The following ST3GAL5 variants were observed in gnomAD, a reference collection of about 807,000 sequenced individuals.
ST3GAL5 encodes the protein lactosylceramide alpha-2,3-sialyltransferase.
A neutral mutation model predicts 46.1 loss-of-function variants in ST3GAL5; 25 were observed. The ratio of observed to expected loss-of-function variants is 0.54; its 90% CI spans 0.40 to 0.76. The LOEUF is 0.76. Ranked by LOEUF, ST3GAL5 falls within the 30% of genes least tolerant of loss-of-function variation. The pLI is 0.00. For missense variants in ST3GAL5, 431 were observed against 521.2 expected (o/e 0.83, Z 1.69); for synonymous variants, 182 against 192.7 (o/e 0.94, Z 0.46).
Position 85,888,959 on chromosome 2 carries a change from GC to G in ST3GAL5, c.-55del. The G allele has an allele frequency of 3.3e-6, 4 of 1,223,936 alleles. No individual in the cohort carries two copies. The highest frequency in any genetic ancestry group is 2.6e-5 in the South Asian group (1 of 37,818). 75.8% of individuals were successfully genotyped at this position (1,223,936 alleles called of 1,614,324 possible). On this transcript the variant is annotated 5_prime_UTR_variant, in exon 1 of 7. The change abolishes the stop of an existing upstream ORF in the 5' untranslated region. Transcript: ENST00000638572. ...AGCCCGGTACCCCGCGCCCCCACCC[GC>G]CCCCAGCGCCGCTCTCGCGCCCATT...
intron 3 of ST3GAL5, chr2:85,851,835 G>T: frequency 3.2e-6 from 2 of 619,660 alleles, no homozygotes; most frequent in Non-Finnish European, 4.9e-6. Flanking sequence ...AGGAGCTGGT[G>T]ACTCTCTCGT....
intron 1 of ST3GAL5, among the ~76,000 whole-genome samples, chr2:85,866,933 A>C (rs1393735049): frequency 6.6e-6 from 1 of 152,206 alleles, no homozygotes; most frequent in African/African-American, 2.4e-5. Flanking sequence ...GCATTTTCTC[A>C]ATACTGATTA....
intron 1 of ST3GAL5, among the ~76,000 whole-genome samples, chr2:85,876,102 T>C: frequency 6.6e-6 from 1 of 152,198 alleles, no homozygotes; most frequent in Non-Finnish European, 1.5e-5. Flanking sequence ...GAGAGACCCA[T>C]CTTTAACTGG....
chr2:85,853,201 T>C, intron 3 of ST3GAL5: 1 of 658,734 alleles, frequency 1.5e-6, no homozygotes, highest in Non-Finnish European at 2.3e-6. Flanking sequence ...ATCTTTTGAG[T>C]GCAATTTCAC....
intron 2 of ST3GAL5, 105 bp downstream of exon 2, chr2:85,863,257 C>G: frequency 6.3e-7 from 1 of 1,598,422 alleles, no homozygotes; most frequent in South Asian, 1.1e-5. Flanking sequence ...ACCAAGCATG[C>G]CTCTCCAACA....
rs537654983 is a variant in ST3GAL5, at chr2:85,868,530, C to G, written c.83-5045G>C. 8.1e-5 allele frequency among the ~76,000 whole-genome samples: 12 copies of G among 148,858 alleles called. 1 individual carries two copies. The highest frequency in any genetic ancestry group is 3.4e-3 in the Middle Eastern group (1 of 290). On this transcript the variant is annotated intron_variant, in intron 1 of 6. Coordinates refer to ENST00000638572, the MANE Select transcript of ST3GAL5 (RefSeq NM_003896.4). ...TTTGCCATGTTGCCCAGGCTGGTCT[C>G]TAACTCCTGGGCTCAAGCCACCCAC...
intron 1 of ST3GAL5, among the ~76,000 whole-genome samples, chr2:85,870,564 T>G (rs554631487): frequency 6.6e-6 from 1 of 152,346 alleles, no homozygotes; most frequent in East Asian, 1.9e-4. Flanking sequence ...GGCCTGACTT[T>G]CAAAATTATA....
chr2:85,851,625 T>C (rs896890915), intron 3 of ST3GAL5: 1 of 1,289,372 alleles, frequency 7.8e-7, no homozygotes, highest in African/African-American at 1.5e-5. Flanking sequence ...CTTCAGCTGC[T>C]CTCTTCCCCC....
In ST3GAL5 at chr2:85,888,907, C is replaced by T; in HGVS notation, c.-2G>A. 7.3e-7 allele frequency: 1 copy of T among 1,362,396 alleles called. No individual in the cohort carries two copies. Among genetic ancestry groups the T allele is most frequent in the Non-Finnish European group, 9.5e-7 (1 of 1,050,550 alleles). 84.4% of individuals were successfully genotyped at this position (1,362,396 alleles called of 1,614,324 possible). A position where few individuals can be genotyped will look rare whatever the true frequency, so the allele number is the denominator to read the frequency against. ...GCAGCCCGCCGCCTTCGTCCGCATA[C>T]TAATGAGGGGGCGCCGGCCGGCCGC... On this transcript the variant is annotated 5_prime_UTR_variant, in exon 1 of 7. The change abolishes the stop of an existing upstream ORF in the 5' untranslated region. Transcript: ENST00000638572.
chr2:85,853,760 T>A (rs1346951798), intron 3 of ST3GAL5: 1 of 152,472 alleles, frequency 6.6e-6, no homozygotes, highest in Non-Finnish European at 1.5e-5. Context: ...CAGTCCCATA[T>A]CCTGTGATCC....
chr2:85,856,184 C>G (rs545009464), intron 3 of ST3GAL5: 1 of 152,144 alleles, frequency 6.6e-6, no homozygotes, highest in African/African-American at 2.4e-5. Flanking sequence ...GTGGACACAA[C>G]CCAAATGTCC....
chr2:85,851,520 T>C, intron 3 of ST3GAL5: 1 of 1,288,986 alleles, frequency 7.8e-7, no homozygotes, highest in Admixed American at 2.3e-5. Context: ...GGATGGTTTC[T>C]GTTCTTGCTT....
chr2:85,851,389 C>T (rs576939101), intron 3 of ST3GAL5: 27 of 1,184,196 alleles, frequency 2.3e-5, no homozygotes, highest in South Asian at 2.1e-4. Flanking sequence ...TGTTTCAACT[C>T]GTTTAACAGA....
At chr2:85,858,729 C>T (rs1275433311) in intron 3 of ST3GAL5, among the ~76,000 whole-genome samples, 2 of 152,344 alleles carry the variant, frequency 1.3e-5, no homozygotes, top group Admixed American at 1.3e-4. Flanking sequence ...CATCCCTATA[C>T]AGAGCTCTGC....
chr2:85,888,993 G>A, upstream of ST3GAL5: 3 of 1,042,740 alleles, frequency 2.9e-6, no homozygotes, highest in South Asian at 6.7e-5. Context: ...ATTCAGCTGG[G>A]GGCCGCCGCT....
chr2:85,843,419 T>A (rs1558645345), intron 6 of ST3GAL5, among the ~76,000 whole-genome samples: 1 of 152,348 alleles, frequency 6.6e-6, no homozygotes, highest in East Asian at 1.9e-4. Flanking sequence ...AACTTTTAAG[T>A]CTTTGCTAAG....
chr2:85,857,307 C>T lies in ST3GAL5; in HGVS notation c.318+3874G>A, dbSNP rs192202149. Reference sequence around the variant, plus strand: ...ATCCTAGCACTTTGGGAGGTTGAGGCGGGTGGATCACCCGAGGTCAGGGGT... The same window carrying T: ...ATCCTAGCACTTTGGGAGGTTGAGGTGGGTGGATCACCCGAGGTCAGGGGT... On this transcript the variant is annotated intron_variant, in intron 3 of 6. Transcript: ENST00000638572. 1.3e-3 allele frequency among the ~76,000 whole-genome samples: 199 copies of T among 151,564 alleles called. 2 individuals carry two copies. The highest frequency in any genetic ancestry group is 0.013 in the Admixed American group (197 of 15,212).
Position 85,888,747 on chromosome 2 carries a change from C to A in ST3GAL5, c.82+77G>T, listed in dbSNP as rs138722478. On this transcript the variant is annotated intron_variant, in intron 1 of 6. Transcript: ENST00000638572. Reference sequence around the variant, plus strand: ...GCGGAAACGCCGCGCCCAGCCGGCCCGGGAAGAGACAAGTCGCCGCCGCAG... The same window carrying A: ...GCGGAAACGCCGCGCCCAGCCGGCCAGGGAAGAGACAAGTCGCCGCCGCAG... 4.0e-3 allele frequency: 4,365 copies of A among 1,091,666 alleles called. 322 individuals carry two copies. In the East Asian group the frequency reaches 0.15, roughly 38 times the overall value. The allele number at this position is 1,091,666 out of a possible 1,614,324, so 67.6% of individuals were successfully genotyped here.
At chr2:85,861,377 G>A in intron 2 of ST3GAL5, 85 bp from the exon 3 acceptor site, 1 of 870,980 alleles carries the variant, frequency 1.1e-6, no homozygotes, top group South Asian at 1.3e-5. Context: ...AATCCTAAAT[G>A]AGTCTGCCTG....
Sources: gnomAD v4.1 joint callset for allele counts (sites outside exome capture counted in the v4.1 genomes callset) on GRCh38, gnomAD v4.1.1 for gene constraint, MANE v1.5 for transcripts, NCBI Gene and HGNC (gene_info 2026-07-23, HGNC 2026-07-21) for gene names.